INPP5D: variants seen among roughly 807,000 people sequenced by gnomAD.
INPP5D encodes the protein phosphatidylinositol 3,4,5-trisphosphate 5-phosphatase 1.
INPP5D carries 33 observed loss-of-function variants against 122.9 expected under a neutral mutation model. That is an observed-to-expected ratio of 0.27 (90% CI 0.20 to 0.36). INPP5D has a LOEUF of 0.36. INPP5D is among the 10% of genes least tolerant of loss of function. The pLI is 1.00. For missense variants in INPP5D, 1,053 were observed against 1,412.7 expected (o/e 0.75, Z 4.08); for synonymous variants, 584 against 576.2 (o/e 1.01, Z -0.19).
At chr2:233,096,230 C>T (rs112703627) in intron 2 of INPP5D, among the ~76,000 whole-genome samples, 3,077 of 152,318 alleles carry the variant, frequency 0.02, 53 homozygotes, top group African/African-American at 0.038. Context: ...CCTTCTCACC[C>T]AGTGTCTCTT....
At chr2:233,123,493 T>C (rs1693058293) in intron 3 of INPP5D, among the ~76,000 whole-genome samples, 1 of 150,936 alleles carries the variant, frequency 6.6e-6, no homozygotes, top group African/African-American at 2.4e-5. Context: ...AAAAAGTGTG[T>C]GAGACTAAGG....
Position 233,139,835 on chromosome 2 carries a change from C to T in INPP5D, c.666-7C>T. ...TCCTTGATGTTCACCTTGTCCCCTG[C>T]CCCCAGAGAAGTCATCCGGACCCTC... On this transcript the variant is annotated splice_region_variant and splice_polypyrimidine_tract_variant and intron_variant, in intron 5 of 26. Transcript: ENST00000445964. 1 of 398,748 alleles carries T rather than the reference C, an allele frequency of 2.5e-6. No homozygotes were observed. The highest frequency in any genetic ancestry group is 4.4e-6 in the Non-Finnish European group (1 of 226,164). 24.7% of individuals were successfully genotyped at this position (398,748 alleles called of 1,614,324 possible).
chr2:233,102,798 C>G (rs1692351327), intron 2 of INPP5D, among the ~76,000 whole-genome samples: 1 of 150,564 alleles, frequency 6.6e-6, no homozygotes, highest in Non-Finnish European at 1.5e-5. Context: ...TGCAGTGAGC[C>G]CAGATCACGC....
At chr2:233,103,645 C>T (rs1044161049) in intron 2 of INPP5D, among the ~76,000 whole-genome samples, 26 of 151,812 alleles carry the variant, frequency 1.7e-4, no homozygotes, top group South Asian at 8.3e-4. Flanking sequence ...TGTATCCTGG[C>T]TGCCTGCCGA....
chr2:233,153,194 T>G (rs1423099965), intron 9 of INPP5D, among the ~76,000 whole-genome samples: 2 of 152,128 alleles, frequency 1.3e-5, no homozygotes, highest in Non-Finnish European at 2.9e-5. Flanking sequence ...TATCACATCC[T>G]GGGGGCAACC....
At chr2:233,077,656 T>C (rs1265722033) in intron 1 of INPP5D, among the ~76,000 whole-genome samples, 1 of 84,878 alleles carries the variant, frequency 1.2e-5, no homozygotes, top group African/African-American at 5.1e-5. Flanking sequence ...AGCAAAACTC[T>C]GTCTCAAAAA....
chr2:233,113,011 C>T (rs1196823376), intron 2 of INPP5D, among the ~76,000 whole-genome samples: 2 of 152,124 alleles, frequency 1.3e-5, no homozygotes, highest in Non-Finnish European at 2.9e-5. Flanking sequence ...CTTCCCATTC[C>T]AATCCAATGC....
At chr2:233,186,021 G>A in intron 21 of INPP5D, 96 bp downstream of exon 21, 1 of 1,350,832 alleles carries the variant, frequency 7.4e-7, no homozygotes. Flanking sequence ...CCTGACCAGA[G>A]GAAGCAGGAA....
At chr2:233,202,916 G>T (rs1574808853) in intron 25 of INPP5D, among the ~76,000 whole-genome samples, 1 of 152,294 alleles carries the variant, frequency 6.6e-6, no homozygotes, top group East Asian at 1.9e-4. Context: ...TACTGGCCTT[G>T]GCTTCCCCAG....
chr2:233,157,744 T>A (rs2106289730), intron 9 of INPP5D, among the ~76,000 whole-genome samples: 1 of 122,692 alleles, frequency 8.2e-6, no homozygotes, highest in East Asian at 4.3e-4. Context: ...AGTATTAATC[T>A]AAGCATTTTT....
chr2:233,124,646 G>A (rs1323454111), intron 3 of INPP5D, among the ~76,000 whole-genome samples: 2 of 152,218 alleles, frequency 1.3e-5, no homozygotes, highest in Non-Finnish European at 1.5e-5. Flanking sequence ...GCCATGCTGA[G>A]AAGCTGTTCT....
chr2:233,145,391 C>T (rs1028064011), intron 6 of INPP5D: 3 of 449,052 alleles, frequency 6.7e-6, no homozygotes, highest in African/African-American at 6.0e-5. Flanking sequence ...GAACACAGTC[C>T]TCTTGATCTC....
chr2:233,170,942 TG>T lies in INPP5D; in HGVS notation c.1901-120del. 7.9e-7 allele frequency: 1 copy of T among 1,273,538 alleles called. No homozygotes were observed. Among genetic ancestry groups the T allele is most frequent in the Non-Finnish European group, 1.1e-6 (1 of 928,240 alleles). 78.9% of individuals were successfully genotyped at this position (1,273,538 alleles called of 1,614,324 possible). The stretch of plus-strand genomic sequence containing the variant: ...AAAAAAAAGCAGCAGCCTCTCCTCT[TG>T]GAGCCTTTCCAGCCATCCTTTCGTC... On this transcript the variant is annotated intron_variant, in intron 16 of 26. Transcript: ENST00000445964. This position sits in a 1 kb window ranked among gnomAD's most constrained non-coding sequence, Gnocchi z 4.5.
rs147327563 is a variant in INPP5D, at chr2:233,174,093, G to A, written c.1989+2941G>A. 9.1e-4 allele frequency among the ~76,000 whole-genome samples: 138 copies of A among 152,280 alleles called. 6 individuals carry two copies. Among genetic ancestry groups the A allele is most frequent in the African/African-American group, 3.2e-3 (131 of 41,548 alleles). On this transcript the variant is annotated intron_variant, in intron 17 of 26. Transcript: ENST00000445964. ...TCCTATGATGACAATGTCTTCTTCT[G>A]GTTACCTCCTGAAGGACCTGCCTGA... is the stretch of plus-strand genomic sequence containing the variant.
chr2:233,172,018 G>A (rs377243626), intron 17 of INPP5D, among the ~76,000 whole-genome samples: 115 of 152,338 alleles, frequency 7.5e-4, no homozygotes, highest in African/African-American at 2.6e-3. Flanking sequence ...AAGGCCAAGC[G>A]CTGGGTGGAT....
At chr2:233,095,836 C>T (rs1574721562) in intron 2 of INPP5D, among the ~76,000 whole-genome samples, 1 of 151,992 alleles carries the variant, frequency 6.6e-6, no homozygotes, top group African/African-American at 2.4e-5. Flanking sequence ...CCTGCAAATC[C>T]CCCACCCTAG....
intron 2 of INPP5D, among the ~76,000 whole-genome samples, chr2:233,083,315 A>G (rs1294152204): frequency 1.3e-5 from 2 of 152,158 alleles, no homozygotes; most frequent in Non-Finnish European, 1.5e-5. Flanking sequence ...TTGGAACTCC[A>G]TCTCCCTCAG....
At chr2:233,145,950 A>G in intron 6 of INPP5D, 2 of 687,902 alleles carry the variant, frequency 2.9e-6, no homozygotes, top group Non-Finnish European at 2.7e-6. Flanking sequence ...TTTACAGGGA[A>G]GAAGAAATGA....
rs1692039370 is a variant in INPP5D, at chr2:233,093,315, TGTAGA to T, written c.198+13918_198+13922del. ...GCCTTCCTTCTTGGGAAACTATCAG[TGTAGA>T]TATGTTTCTCTAAAATGTAACTTTA... On this transcript the variant is annotated intron_variant, in intron 2 of 26. Coordinates refer to ENST00000445964, the MANE Select transcript of INPP5D (RefSeq NM_001017915.3). 2.0e-5 allele frequency among the ~76,000 whole-genome samples: 3 copies of T among 152,148 alleles called. No individual in the cohort carries two copies. In the South Asian group the frequency reaches 6.2e-4, roughly 31 times the overall value.
Sources: gnomAD v4.1 joint callset for allele counts (sites outside exome capture counted in the v4.1 genomes callset) on GRCh38, gnomAD v4.1.1 for gene constraint, Gnocchi (gnomAD v3.1) non-coding constraint, MANE v1.5 for transcripts, NCBI Gene and HGNC (gene_info 2026-07-23, HGNC 2026-07-21) for gene names.